The following DNAH7 variants were observed in gnomAD, a reference collection of about 807,000 sequenced individuals.
The protein encoded by DNAH7 is axonemal beta dynein heavy chain 7.
In DNAH7, 397 loss-of-function variants were observed where a neutral mutation model predicts 444.6. That is an observed-to-expected ratio of 0.89 (90% CI 0.82 to 0.97). DNAH7 has a LOEUF of 0.97. Ranked by LOEUF, DNAH7 falls within the 50% of genes least tolerant of loss-of-function variation. The probability of loss-of-function intolerance (pLI) is 0.00; values close to 1 mark genes in which losing one functional copy is unlikely to be tolerated. For missense variants in DNAH7, 4,902 were observed against 4,800.8 expected (o/e 1.02, Z -0.62); for synonymous variants, 1,636 against 1,624.4 (o/e 1.01, Z -0.17).
At chr2:195,765,276 G>A (rs1003133796) in intron 61 of DNAH7, among the ~76,000 whole-genome samples, 1 of 152,142 alleles carries the variant, frequency 6.6e-6, no homozygotes, top group Admixed American at 6.5e-5. Context: ...TGAATCTACT[G>A]TGAGGAAACA....
Position 195,895,566 on chromosome 2 carries a change from G to GTCTA in DNAH7, c.4648-343_4648-342insTAGA, listed in dbSNP as rs564120831. On this transcript the variant is annotated intron_variant, in intron 29 of 64. Transcript: ENST00000312428. ...GCCATCCCCCACGTCAGCCTCCTGGGTAGCTGGGACTATAGGTGGCAGTAT... is the reference window on the plus strand; with the variant it reads ...GCCATCCCCCACGTCAGCCTCCTGGGTCTATAGCTGGGACTATAGGTGGCAGTAT... 5.2e-4 allele frequency among the ~76,000 whole-genome samples: 79 copies of GTCTA among 152,236 alleles called. 1 individual carries two copies. Among genetic ancestry groups the GTCTA allele is most frequent in the African/African-American group, 1.9e-3 (77 of 41,534 alleles).
chr2:195,929,309 C>A (rs752157568), intron 21 of DNAH7, among the ~76,000 whole-genome samples: 5 of 152,066 alleles, frequency 3.3e-5, no homozygotes, highest in Non-Finnish European at 5.9e-5. Flanking sequence ...CCAAAGCAAC[C>A]TACAAATTCA....
intron 41 of DNAH7, among the ~76,000 whole-genome samples, chr2:195,863,589 T>C (rs1355161363): frequency 1.3e-5 from 2 of 152,128 alleles, no homozygotes; most frequent in Admixed American, 1.3e-4. Context: ...GTTTAGCTAA[T>C]GGGAAGAGAT....
intron 17 of DNAH7, among the ~76,000 whole-genome samples, chr2:195,963,375 CTT>C (rs1164360601): frequency 6.6e-6 from 1 of 152,146 alleles, no homozygotes; most frequent in Non-Finnish European, 1.5e-5. Context: ...TGTTGAACAC[CTT>C]TCCAAATGTC....
chr2:195,795,245 G>A (rs1390748472), intron 56 of DNAH7, among the ~76,000 whole-genome samples: 1 of 152,170 alleles, frequency 6.6e-6, no homozygotes, highest in African/African-American at 2.4e-5. Context: ...AGCCGGCCAT[G>A]GTGGCAGGTG....
Position 195,857,667 on chromosome 2 carries a change from CA to C in DNAH7, c.8123del (p.Met2708ArgfsTer7). The C allele has an allele frequency of 6.2e-7, 1 of 1,613,308 alleles. No homozygotes were observed. Among genetic ancestry groups the C allele is most frequent in the Non-Finnish European group, 8.5e-7 (1 of 1,179,716 alleles). On this transcript the variant is annotated frameshift_variant, in exon 44 of 65. Transcript: ENST00000312428. LOFTEE classifies it high-confidence loss of function. The stretch of plus-strand genomic sequence containing the variant: ...TTCCTTTCAAGATGCATATAGCTTC[CA>C]TAACAAGCTTGACACCAGCAGGAGG... ...KSPPAGVKLV[M>X]EAICILKGIK...
Position 196,068,508 on chromosome 2 carries a change from T to C in DNAH7, c.15+189A>G, listed in dbSNP as rs1034826980. On this transcript the variant is annotated intron_variant, in intron 1 of 64. Transcript: ENST00000312428. ...GTTATGACGACCAAGGGCAAACAGC[T>C]GGGAAGGGAACTTATAAGGGCATTC... 4.0e-6 allele frequency: 3 copies of C among 747,556 alleles called. No individual in the cohort carries two copies. In the African/African-American group the frequency reaches 5.4e-5, roughly 13 times the overall value. The allele number at this position is 747,556 out of a possible 1,614,324, so 46.3% of individuals were successfully genotyped here.
chr2:195,996,830 A>G (rs192246585), intron 12 of DNAH7, among the ~76,000 whole-genome samples: 31 of 152,304 alleles, frequency 2.0e-4, no homozygotes, highest in African/African-American at 7.5e-4. Context: ...CAACATTCAA[A>G]TTGATAGTAT....
chr2:196,065,959 T>C (rs1335496593), intron 1 of DNAH7, among the ~76,000 whole-genome samples: 3 of 152,258 alleles, frequency 2.0e-5, no homozygotes, highest in Admixed American at 2.0e-4. Context: ...CCTCTACAAA[T>C]GGTCTTTTTA....
rs904916541 is a variant in DNAH7, at chr2:195,872,488, A to G, written c.6414-19T>C. 1 of 1,512,546 alleles carries G rather than the reference A, an allele frequency of 6.6e-7. No individual in the cohort carries two copies. Among genetic ancestry groups the G allele is most frequent in the Non-Finnish European group, 9.0e-7 (1 of 1,109,892 alleles). The allele number at this position is 1,512,546 out of a possible 1,614,324, so 93.7% of individuals were successfully genotyped here. On this transcript the variant is annotated intron_variant, in intron 39 of 64. Transcript: ENST00000312428. ...TTTATAACTTAAAAATTTTTTAAAT[A>G]AAAAGAAAGGAAAATGTTAGCAATT...
chr2:195,802,347 C>A (rs890588872), intron 54 of DNAH7, among the ~76,000 whole-genome samples: 1 of 152,172 alleles, frequency 6.6e-6, no homozygotes, highest in African/African-American at 2.4e-5. Flanking sequence ...CCTGTCTCTA[C>A]TAAAAATATG....
chr2:196,013,954 T>C (rs1034800296), intron 9 of DNAH7, among the ~76,000 whole-genome samples: 6 of 152,216 alleles, frequency 3.9e-5, no homozygotes, highest in Non-Finnish European at 8.8e-5. Flanking sequence ...GAATTCACCT[T>C]GCCATTGAGC....
chr2:195,835,342 A>G (rs1698297536), intron 47 of DNAH7, among the ~76,000 whole-genome samples: 1 of 150,488 alleles, frequency 6.6e-6, no homozygotes, highest in Admixed American at 6.6e-5. Context: ...CATTTAGGTC[A>G]TTAGAAGAGC....
At chr2:195,757,376 C>A (rs545635103) in intron 61 of DNAH7, among the ~76,000 whole-genome samples, 2 of 152,296 alleles carry the variant, frequency 1.3e-5, no homozygotes, top group Non-Finnish European at 2.9e-5. Context: ...TTTTGAATGA[C>A]TGATGCACGG....
At chr2:195,836,560 T>C (rs192826826) in intron 47 of DNAH7, among the ~76,000 whole-genome samples, 2 of 150,954 alleles carry the variant, frequency 1.3e-5, no homozygotes, top group East Asian at 3.9e-4. Flanking sequence ...GGCTTCAACA[T>C]AAAAATTTGG....
chr2:195,849,072 T>A (rs1381454195), intron 46 of DNAH7, among the ~76,000 whole-genome samples: 1 of 152,198 alleles, frequency 6.6e-6, no homozygotes, highest in Non-Finnish European at 1.5e-5. Flanking sequence ...AAACATTCAA[T>A]TTTTTTATTA....
At chr2:195,778,310 T>C (rs1186024350) in intron 58 of DNAH7, among the ~76,000 whole-genome samples, 6 of 151,790 alleles carry the variant, frequency 4.0e-5, no homozygotes, top group Non-Finnish European at 1.5e-5. Context: ...TATGAAAACT[T>C]TGCACAGCTG....
chr2:195,909,978 A>G (rs1197054027), intron 25 of DNAH7, 49 bp downstream of exon 25: 2 of 1,504,038 alleles, frequency 1.3e-6, no homozygotes, highest in Non-Finnish European at 1.8e-6. Flanking sequence ...ATAAATAACC[A>G]TCTCTGATCA....
chr2:195,803,870 T>C (rs1404916109), intron 54 of DNAH7, among the ~76,000 whole-genome samples: 1 of 152,256 alleles, frequency 6.6e-6, no homozygotes, highest in Non-Finnish European at 1.5e-5. Context: ...TATTTATCTA[T>C]TTGATATGTT....
Sources: allele counts gnomAD v4.1 joint callset (sites outside exome capture counted in the v4.1 genomes callset), GRCh38; gene constraint gnomAD v4.1.1; transcripts MANE v1.5; gene names NCBI Gene and HGNC (gene_info 2026-07-23, HGNC 2026-07-21).